NFATC1: variants seen among roughly 807,000 people sequenced by gnomAD.
NFATC1 encodes nuclear factor of activated T-cells, cytoplasmic 1.
NFATC1 carries 22 observed loss-of-function variants against 76.0 expected under a neutral mutation model. The ratio of observed to expected loss-of-function variants is 0.29; its 90% CI spans 0.21 to 0.41. The LOEUF is 0.41. Among genes scored for constraint, NFATC1 ranks in the 10% least tolerant of loss-of-function variants. The pLI, the probability that NFATC1 is intolerant of heterozygous loss-of-function variation, is 1.00. For synonymous variants in NFATC1, 704 were observed against 613.1 expected (o/e 1.15, Z -2.19); for missense variants, 1,357 against 1,337.7 (o/e 1.01, Z -0.23).
At chr18:79,487,499 T>C (rs9944888) in intron 9 of NFATC1, among the ~76,000 whole-genome samples, 14,449 of 152,192 alleles carry the variant, frequency 0.095, 2,224 homozygotes, top group African/African-American at 0.33. Flanking sequence ...AGGCCCCAGG[T>C]GCAGGGTCTT....
At chr18:79,520,533 G>GTGT (rs201379146) in intron 9 of NFATC1, among the ~76,000 whole-genome samples, 1 of 141,382 alleles carries the variant, frequency 7.1e-6, no homozygotes, top group Admixed American at 7.2e-5. Context: ...TCTGTGTGTG[G>GTGT]GGGGGGGAGG....
Position 79,467,578 on chromosome 18 carries a change from C to G in NFATC1, c.2088C>G (p.Ala696=). ...ACCAGCGTTTCACCTACCTTCCCGC[C>G]AACGGTAACGCCATCTTTCTAACCG... The part of the protein sequence containing the change: ...SQYQRFTYLP[A]NVPIIKTEPT... Residue 696 remains alanine, a synonymous_variant, in exon 8 of 10, where the codon GCC becomes GCG. Coordinates refer to ENST00000427363, the MANE Select transcript of NFATC1 (RefSeq NM_001278669.2). 6.2e-7 allele frequency: 1 copy of G among 1,613,950 alleles called. No individual in the cohort carries two copies. Among genetic ancestry groups the G allele is most frequent in the Non-Finnish European group, 8.5e-7 (1 of 1,179,958 alleles).
intron 6 of NFATC1, among the ~76,000 whole-genome samples, chr18:79,454,705 G>A (rs1160165522): frequency 2.0e-5 from 3 of 152,188 alleles, no homozygotes; most frequent in African/African-American, 4.8e-5. Context: ...GACATTTTCC[G>A]ATGATGAAAA....
At chr18:79,451,397 G>T (rs1209699304) in intron 5 of NFATC1, among the ~76,000 whole-genome samples, 1 of 152,256 alleles carries the variant, frequency 6.6e-6, no homozygotes, top group Non-Finnish European at 1.5e-5. Context: ...ACGCTGCGCT[G>T]ACCTTTGCGT....
At chr18:79,519,438 TCCTCCCACCTCAG>T (rs1212817011) in intron 9 of NFATC1, among the ~76,000 whole-genome samples, 1 of 152,254 alleles carries the variant, frequency 6.6e-6, no homozygotes, top group East Asian at 1.9e-4. Flanking sequence ...GCTCAAGCCA[TCCTCCCACCTCAG>T]CCTCCCAAGT....
At chr18:79,409,278 A>T (rs939083237) in intron 1 of NFATC1, among the ~76,000 whole-genome samples, 1 of 99,436 alleles carries the variant, frequency 1.0e-5, no homozygotes, top group Non-Finnish European at 2.2e-5. Context: ...TCTATCATCC[A>T]TCCATCATTA....
intron 2 of NFATC1, among the ~76,000 whole-genome samples, chr18:79,416,049 C>T (rs1027418033): frequency 2.0e-5 from 3 of 152,202 alleles, no homozygotes; most frequent in Non-Finnish European, 4.4e-5. Flanking sequence ...GCGAGAGGAG[C>T]GAGACTCCGT....
chr18:79,526,197 G>A (rs866771655), intron 9 of NFATC1, among the ~76,000 whole-genome samples: 4 of 152,250 alleles, frequency 2.6e-5, no homozygotes, highest in East Asian at 1.9e-4. Context: ...GTGCCAGTCC[G>A]GGAGCAGCCT....
intron 6 of NFATC1, among the ~76,000 whole-genome samples, chr18:79,459,482 G>T (rs935935222): frequency 5.3e-5 from 8 of 152,184 alleles, no homozygotes; most frequent in African/African-American, 1.2e-4. Context: ...TCCCCTCGGG[G>T]TGTCATTAAA....
chr18:79,464,702 A>ATTTTTTTTT (rs1555911977), intron 7 of NFATC1, among the ~76,000 whole-genome samples: 1 of 69,316 alleles, frequency 1.4e-5, no homozygotes, highest in African/African-American at 7.4e-5. Context: ...ATATTTATTT[A>ATTTTTTTTT]TTTATTTATT....
chr18:79,418,142 C>T (rs2085942730), intron 2 of NFATC1, among the ~76,000 whole-genome samples: 1 of 152,034 alleles, frequency 6.6e-6, no homozygotes, highest in Non-Finnish European at 1.5e-5. Context: ...CTGCAGGGCT[C>T]GGGGTGTTGA....
intron 7 of NFATC1, among the ~76,000 whole-genome samples, chr18:79,462,796 T>C (rs948246818): frequency 2.6e-5 from 4 of 151,818 alleles, no homozygotes; most frequent in African/African-American, 7.3e-5. Context: ...AGGGAAGTCT[T>C]GTGCACCCAC....
chr18:79,415,537 C>T (rs1468470563), intron 2 of NFATC1, among the ~76,000 whole-genome samples: 3 of 152,040 alleles, frequency 2.0e-5, no homozygotes, highest in African/African-American at 4.8e-5. Flanking sequence ...CCGCCTCGGC[C>T]TCCCAAAGTG....
At chr18:79,429,592 A>T (rs1234160697) in intron 2 of NFATC1, among the ~76,000 whole-genome samples, 1 of 152,036 alleles carries the variant, frequency 6.6e-6, no homozygotes, top group East Asian at 1.9e-4. Flanking sequence ...CGCGGAGTGG[A>T]GTGGGGTGGA....
chr18:79,439,804 GT>G (rs1294719841), intron 3 of NFATC1, among the ~76,000 whole-genome samples: 10 of 152,212 alleles, frequency 6.6e-5, no homozygotes, highest in Non-Finnish European at 1.5e-4. Flanking sequence ...CACGGGCTCT[GT>G]TTTGAGCGAT....
chr18:79,469,952 G>A (rs980087444), intron 8 of NFATC1: 12 of 985,484 alleles, frequency 1.2e-5, no homozygotes, highest in African/African-American at 7.0e-5. Context: ...CAGTGTTGAC[G>A]CTGGGCCTAC....
intron 9 of NFATC1, among the ~76,000 whole-genome samples, chr18:79,512,077 C>T (rs1600970639): frequency 6.6e-6 from 1 of 152,126 alleles, no homozygotes; most frequent in African/African-American, 2.4e-5. Context: ...GCCCAAGCGA[C>T]CCCTGGCATG....
intron 9 of NFATC1, among the ~76,000 whole-genome samples, chr18:79,526,358 G>A (rs2090763885): frequency 6.6e-6 from 1 of 152,238 alleles, no homozygotes; most frequent in Non-Finnish European, 1.5e-5. Flanking sequence ...TGAGTGCCAG[G>A]TCCCGTCTTG....
chr18:79,512,639 G>A lies in NFATC1; in HGVS notation c.2783-14889G>A, dbSNP rs988802877. 9.9e-5 allele frequency among the ~76,000 whole-genome samples: 15 copies of A among 152,256 alleles called. 1 individual carries two copies. The highest frequency in any genetic ancestry group is 6.8e-3 in the Middle Eastern group (2 of 294). On this transcript the variant is annotated intron_variant, in intron 9 of 9. Transcript: ENST00000427363. ...GAGCTGCGGTCTCTCCAGTCGGTGG[G>A]CCCCGTGTGCCTCCCCCGTTTGCTG...
Sources: gnomAD v4.1 joint callset for allele counts (sites outside exome capture counted in the v4.1 genomes callset) on GRCh38, gnomAD v4.1.1 for gene constraint, MANE v1.5 for transcripts, NCBI Gene and HGNC (gene_info 2026-07-23, HGNC 2026-07-21) for gene names.